The following NLGN1 variants were observed in gnomAD, a reference collection of about 807,000 sequenced individuals.
NLGN1 encodes the protein neuroligin 1.
In NLGN1, 12 loss-of-function variants were observed where a neutral mutation model predicts 65.5. That is an observed-to-expected ratio of 0.18 (90% CI 0.12 to 0.30). The LOEUF (loss-of-function observed/expected upper bound fraction) is 0.30. Among genes scored for constraint, NLGN1 ranks in the 10% least tolerant of loss-of-function variants. NLGN1 has a pLI of 1.00. For missense variants in NLGN1, 750 were observed against 1,007.1 expected (o/e 0.74, Z 3.46); for synonymous variants, 350 against 359.5 (o/e 0.97, Z 0.30).
At chr3:173,676,262 A>G (rs74598442) in intron 3 of NLGN1, among the ~76,000 whole-genome samples, 4,297 of 152,214 alleles carry the variant, frequency 0.028, 89 homozygotes, top group Middle Eastern at 0.044. Flanking sequence ...TTGACAGACT[A>G]TAGAATCTTA....
chr3:173,694,116 T>G (rs923569274), intron 3 of NLGN1, among the ~76,000 whole-genome samples: 2 of 152,072 alleles, frequency 1.3e-5, no homozygotes, highest in Non-Finnish European at 2.9e-5. Flanking sequence ...ACCAGCTCTG[T>G]TAGTGATTTT....
intron 4 of NLGN1, among the ~76,000 whole-genome samples, chr3:173,911,166 TA>T: frequency 6.6e-6 from 1 of 152,154 alleles, no homozygotes; most frequent in African/African-American, 2.4e-5. Flanking sequence ...CCCCAAACAA[TA>T]AAAATGTACT....
At chr3:173,901,985 A>G (rs999160229) in intron 4 of NLGN1, among the ~76,000 whole-genome samples, 13 of 152,128 alleles carry the variant, frequency 8.5e-5, no homozygotes, top group African/African-American at 2.7e-4. Flanking sequence ...AAAACTGACT[A>G]TTGGATCTTC....
In NLGN1 at chr3:173,833,643, C is replaced by T. The variant is rs571061268; in HGVS notation, c.646+25811C>T. 3.9e-5 allele frequency among the ~76,000 whole-genome samples: 6 copies of T among 152,198 alleles called. No individual in the cohort carries two copies. The South Asian group carries it at 1.2e-3, about 32-fold the overall frequency. ...CAAGTGACTCTCCCACCTCAGCCCC[C>T]CAGTGGCTGGGTCTGCGGGCATGCA... On this transcript the variant is annotated intron_variant, in intron 4 of 6. Coordinates refer to ENST00000457714, the Ensembl canonical transcript of NLGN1.
chr3:173,856,584 CA>C (rs1463742716), intron 4 of NLGN1, among the ~76,000 whole-genome samples: 3 of 152,092 alleles, frequency 2.0e-5, no homozygotes, highest in Admixed American at 2.0e-4. Context: ...GCAAAAGCAT[CA>C]GGGGTAATAT....
intron 3 of NLGN1, among the ~76,000 whole-genome samples, chr3:173,643,330 T>C (rs549770804): frequency 4.3e-4 from 65 of 152,166 alleles, no homozygotes; most frequent in Admixed American, 1.6e-3. Context: ...AGAAGTTCTA[T>C]GAGCCCCAAT....
intron 4 of NLGN1, among the ~76,000 whole-genome samples, chr3:173,936,590 A>G (rs979986105): frequency 2.6e-5 from 4 of 152,180 alleles, no homozygotes; most frequent in East Asian, 3.9e-4. Flanking sequence ...AAAATTCTCA[A>G]CTGAAAGGGT....
intron 3 of NLGN1, among the ~76,000 whole-genome samples, chr3:173,653,956 G>C (rs901975998): frequency 1.3e-5 from 2 of 152,118 alleles, no homozygotes; most frequent in East Asian, 3.9e-4. Flanking sequence ...AACCTTGGCT[G>C]AGTCAATAGC....
intron 3 of NLGN1, among the ~76,000 whole-genome samples, chr3:173,730,322 T>TCC (rs36078122): frequency 0.035 from 989 of 28,504 alleles, 74 homozygotes; most frequent in African/African-American, 0.065. Context: ...GCCCCACCGC[T>TCC]CCCCCCCCCC....
chr3:173,728,169 T>C (rs1772132445), intron 3 of NLGN1, among the ~76,000 whole-genome samples: 1 of 151,988 alleles, frequency 6.6e-6, no homozygotes, highest in Admixed American at 6.6e-5. Flanking sequence ...GAATTCGAAG[T>C]GAGAGAGAAG....
At chr3:174,249,810 A>G (rs941895566) in intron 4 of NLGN1, among the ~76,000 whole-genome samples, 1 of 151,952 alleles carries the variant, frequency 6.6e-6, no homozygotes, top group South Asian at 2.1e-4. Context: ...TTGCTTAGTT[A>G]TTTTTCTCTT....
intron 3 of NLGN1, among the ~76,000 whole-genome samples, chr3:173,719,353 C>G (rs151208732): frequency 2.6e-5 from 4 of 152,300 alleles, no homozygotes; most frequent in Non-Finnish European, 4.4e-5. Flanking sequence ...TGAGTACCTT[C>G]TTTCCTGCCC....
At chr3:173,978,372 G>C (rs1221516603) in intron 4 of NLGN1, among the ~76,000 whole-genome samples, 1 of 152,074 alleles carries the variant, frequency 6.6e-6, no homozygotes, top group African/African-American at 2.4e-5. Flanking sequence ...GAAATTTTTA[G>C]TTTAGTTATG....
intron 4 of NLGN1, among the ~76,000 whole-genome samples, chr3:173,979,911 CT>C (rs1718378188): frequency 6.6e-6 from 1 of 152,050 alleles, no homozygotes; most frequent in East Asian, 1.9e-4. Flanking sequence ...AATTTTCCAT[CT>C]GGCACCTTAT....
chr3:173,470,205 T>G (rs1304203687), intron 2 of NLGN1, among the ~76,000 whole-genome samples: 2 of 152,096 alleles, frequency 1.3e-5, no homozygotes, highest in Non-Finnish European at 2.9e-5. Flanking sequence ...TTAACTGCTT[T>G]GCAAGGGCAT....
intron 4 of NLGN1, among the ~76,000 whole-genome samples, chr3:174,199,036 A>AGT (rs1301381629): frequency 6.6e-6 from 1 of 151,892 alleles, no homozygotes; most frequent in African/African-American, 2.4e-5. Flanking sequence ...TAGTAGAGAC[A>AGT]GTGTTTCCCT....
chr3:174,104,122 G>A (rs1713177906), intron 4 of NLGN1, among the ~76,000 whole-genome samples: 2 of 151,796 alleles, frequency 1.3e-5, no homozygotes, highest in Admixed American at 1.3e-4. Context: ...CTCCTTTCAG[G>A]TTTCAAATCG....
intron 4 of NLGN1, among the ~76,000 whole-genome samples, chr3:173,964,564 A>T (rs771151275): frequency 7.9e-5 from 12 of 152,220 alleles, no homozygotes; most frequent in Non-Finnish European, 7.3e-5. Flanking sequence ...TCTTAACAGC[A>T]TCCTGAGTAT....
intron 3 of NLGN1, among the ~76,000 whole-genome samples, chr3:173,754,038 GT>G (rs967167484): frequency 1.2e-4 from 10 of 81,910 alleles, no homozygotes; most frequent in South Asian, 7.6e-4. Flanking sequence ...TTTTTTTTTT[GT>G]TTTTTTTTTT....
Sources: allele counts gnomAD v4.1 joint callset (sites outside exome capture counted in the v4.1 genomes callset), GRCh38; gene constraint gnomAD v4.1.1; transcripts MANE v1.5; gene names NCBI Gene and HGNC (gene_info 2026-07-23, HGNC 2026-07-21).